RNF157: variants seen among roughly 807,000 people sequenced by gnomAD.
RNF157 encodes the protein ring finger protein 157.
A neutral mutation model predicts 88.3 loss-of-function variants in RNF157; 55 were observed. The ratio of observed to expected loss-of-function variants is 0.62; its 90% CI spans 0.50 to 0.78. The LOEUF is 0.78. Among genes scored for constraint, RNF157 ranks in the 30% least tolerant of loss-of-function variants. The pLI, the probability that RNF157 is intolerant of heterozygous loss-of-function variation, is 0.00. For synonymous variants in RNF157, 334 were observed against 341.2 expected, an observed-to-expected ratio of 0.98 and a Z score of 0.23; for missense variants, 788 against 860.8, an observed-to-expected ratio of 0.92 and a Z score of 1.06.
At chr17:76,196,128 A>G (rs1282658839) in intron 2 of RNF157, among the ~76,000 whole-genome samples, 1 of 152,216 alleles carries the variant, frequency 6.6e-6, no homozygotes, top group Non-Finnish European at 1.5e-5. Flanking sequence ...GCAGTCACAG[A>G]GCTGTAACAC....
At chr17:76,186,894 C>T (rs905979511) in intron 2 of RNF157, among the ~76,000 whole-genome samples, 4 of 151,540 alleles carry the variant, frequency 2.6e-5, no homozygotes, top group Non-Finnish European at 5.9e-5. Context: ...GAGCTGAGAT[C>T]GCACCACTGT....
At chr17:76,210,588 C>CAAAA (rs71161274) in intron 2 of RNF157, among the ~76,000 whole-genome samples, 24 of 53,534 alleles carry the variant, frequency 4.5e-4, no homozygotes, top group South Asian at 1.6e-3. Flanking sequence ...AGACTCCGTC[C>CAAAA]AAAAAAAAAA....
intron 3 of RNF157, among the ~76,000 whole-genome samples, chr17:76,172,813 G>C (rs1050364266): frequency 1.3e-4 from 19 of 151,944 alleles, no homozygotes; most frequent in African/African-American, 4.6e-4. Flanking sequence ...AGACAGCCTT[G>C]GTAGACATAT....
intron 1 of RNF157, among the ~76,000 whole-genome samples, chr17:76,217,203 T>C (rs2069903467): frequency 6.6e-6 from 1 of 152,034 alleles, no homozygotes; most frequent in South Asian, 2.1e-4. Flanking sequence ...AGAGATGGAG[T>C]TTCACCATGT....
At chr17:76,203,769 C>CT (rs778913227) in intron 2 of RNF157, among the ~76,000 whole-genome samples, 8,395 of 104,814 alleles carry the variant, frequency 0.08, 1,082 homozygotes, top group African/African-American at 0.26. Context: ...AGTTTTGTTG[C>CT]TTTTTTTTTT....
intron 1 of RNF157, among the ~76,000 whole-genome samples, chr17:76,225,465 T>A (rs779497189): frequency 6.6e-6 from 1 of 152,250 alleles, no homozygotes; most frequent in Non-Finnish European, 1.5e-5. Context: ...CAGATTTTTT[T>A]ATACATATAC....
chr17:76,168,807 C>CTATT (rs1329423354), intron 3 of RNF157, among the ~76,000 whole-genome samples: 21 of 152,336 alleles, frequency 1.4e-4, no homozygotes, highest in African/African-American at 4.8e-4. Context: ...CTTTTGAGAG[C>CTATT]TATTATTCAA....
At chr17:76,186,529 C>CA (rs1423086886) in intron 2 of RNF157, among the ~76,000 whole-genome samples, 5 of 151,396 alleles carry the variant, frequency 3.3e-5, no homozygotes, top group Non-Finnish European at 1.5e-5. Context: ...CAAAACGAAA[C>CA]AAAAAAACCC....
chr17:76,164,405 A>G (rs988592831), intron 8 of RNF157: 3 of 181,514 alleles, frequency 1.7e-5, no homozygotes, highest in Non-Finnish European at 3.4e-5. Flanking sequence ...TTTTAAATAA[A>G]AAGAGTTCTC....
chr17:76,178,598 C>T (rs1217171808), intron 2 of RNF157, among the ~76,000 whole-genome samples: 1 of 152,218 alleles, frequency 6.6e-6, no homozygotes, highest in Non-Finnish European at 1.5e-5. Flanking sequence ...CACCACTGGC[C>T]ACAGGTTTCC....
chr17:76,189,812 G>C (rs989788924), intron 2 of RNF157, among the ~76,000 whole-genome samples: 4 of 147,614 alleles, frequency 2.7e-5, no homozygotes, highest in Non-Finnish European at 5.9e-5. Flanking sequence ...CTGGTTCTGG[G>C]TTTGTTGGGA....
At chr17:76,148,708 C>T (rs1384776996) in intron 18 of RNF157, among the ~76,000 whole-genome samples, 1 of 151,836 alleles carries the variant, frequency 6.6e-6, no homozygotes, top group African/African-American at 2.4e-5. Context: ...GTATCTGGGA[C>T]CACAGGCGTA....
chr17:76,212,574 C>T, intron 1 of RNF157, 92 bp from the exon 2 acceptor site: 2 of 865,864 alleles, frequency 2.3e-6, no homozygotes, highest in African/African-American at 1.7e-5. Flanking sequence ...AAATGTTAAC[C>T]TTTTGGGCTG....
chr17:76,183,428 T>C (rs1430792441), intron 2 of RNF157, among the ~76,000 whole-genome samples: 2 of 152,190 alleles, frequency 1.3e-5, no homozygotes, highest in African/African-American at 4.8e-5. Context: ...TTTAATTATA[T>C]ACCAAAATAA....
intron 2 of RNF157, among the ~76,000 whole-genome samples, chr17:76,174,225 T>C (rs1040361740): frequency 6.6e-6 from 1 of 152,144 alleles, no homozygotes; most frequent in African/African-American, 2.4e-5. Context: ...CCCAGGAGTT[T>C]AGGGACCGCA....
At chr17:76,236,989 G>A (rs1302923024) in intron 1 of RNF157, among the ~76,000 whole-genome samples, 2 of 152,198 alleles carry the variant, frequency 1.3e-5, no homozygotes, top group East Asian at 1.9e-4. Context: ...GGAGAACCAG[G>A]TGGATGGACA....
In RNF157 at chr17:76,143,450, T is replaced by C. The variant is rs2068542578; in HGVS notation, c.*1785A>G. On this transcript the variant is annotated 3_prime_UTR_variant, in exon 19 of 19. Coordinates refer to ENST00000269391, the MANE Select transcript of RNF157 (RefSeq NM_052916.3). ...GAAGCTCCCTGTCACCTGCTGCTTC[T>C]GGGCTCATATTTCAGGGAAATCAGG... 1 of 152,320 alleles carries C rather than the reference T, an allele frequency of 6.6e-6. No individual in the cohort carries two copies. The highest frequency in any genetic ancestry group is 6.5e-5 in the Admixed American group (1 of 15,292). 9.4% of individuals were successfully genotyped at this position (152,320 alleles called of 1,614,324 possible).
chr17:76,201,323 CAAAAAAA>C (rs780243656), intron 2 of RNF157, among the ~76,000 whole-genome samples: 21 of 59,660 alleles, frequency 3.5e-4, no homozygotes, highest in East Asian at 1.6e-3. Flanking sequence ...CTAGTCTCTA[CAAAAAAA>C]AAAAAAAAAA....
At chr17:76,156,592 G>A (rs777098787) in intron 13 of RNF157, 22 of 905,336 alleles carry the variant, frequency 2.4e-5, no homozygotes, top group Non-Finnish European at 2.8e-5. Context: ...ACTGCAGCTC[G>A]GGTGACACAG....
Sources: gnomAD v4.1 joint callset for allele counts (sites outside exome capture counted in the v4.1 genomes callset) on GRCh38, gnomAD v4.1.1 for gene constraint, MANE v1.5 for transcripts, NCBI Gene and HGNC (gene_info 2026-07-23, HGNC 2026-07-21) for gene names.